MEGF10: variants seen among roughly 807,000 people sequenced by gnomAD.
MEGF10 encodes multiple epidermal growth factor-like domains protein 10.
MEGF10 carries 86 observed loss-of-function variants against 147.5 expected under a neutral mutation model. The observed-to-expected ratio is 0.58, with a 90% CI of 0.49 to 0.70. The LOEUF is 0.70. Ranked by LOEUF, MEGF10 falls within the 30% of genes least tolerant of loss-of-function variation. The pLI is 0.00. For synonymous variants in MEGF10, 478 were observed against 525.5 expected (o/e 0.91, Z 1.24); for missense variants, 1,329 against 1,487.3 (o/e 0.89, Z 1.75).
chr5:127,372,553 C>A (rs1028161024), intron 5 of MEGF10, among the ~76,000 whole-genome samples: 2 of 152,214 alleles, frequency 1.3e-5, no homozygotes, highest in Non-Finnish European at 2.9e-5. Context: ...CACTACATTT[C>A]ACTGTCATGT....
At position 127,425,331 on chromosome 5, in the gene MEGF10, T is replaced by C. The variant is rs1765173757; in HGVS notation, c.1693+2559T>C. Among the ~76,000 whole-genome samples the C allele has an allele frequency of 2.6e-5, 4 of 152,220 alleles. No homozygotes were observed. In the South Asian group the frequency reaches 8.3e-4, roughly 31 times the overall value. On this transcript the variant is annotated intron_variant, in intron 13 of 24. Coordinates refer to ENST00000503335, the MANE Select transcript of MEGF10 (RefSeq NM_001256545.2). Reference sequence around the variant, plus strand: ...TCCATCTGTGGCCGGCCTGCTTCTCTAAACGGGAAGACTACTGCTTCATGC... The same window carrying C: ...TCCATCTGTGGCCGGCCTGCTTCTCCAAACGGGAAGACTACTGCTTCATGC...
At chr5:127,249,358 G>C in the MEGF10 span, among the ~76,000 whole-genome samples, 1 of 150,188 alleles carries the variant, frequency 6.7e-6, no homozygotes, top group African/African-American at 2.5e-5. Flanking sequence ...AGAGAGAGAA[G>C]AAGAAGGAGG....
chr5:127,356,688 G>A (rs1007555347), intron 4 of MEGF10, among the ~76,000 whole-genome samples: 3 of 152,306 alleles, frequency 2.0e-5, no homozygotes, highest in African/African-American at 7.2e-5. Context: ...TGTTGATCCA[G>A]GGAGGAGAAT....
At chr5:127,436,963 T>A (rs1307226802) in intron 16 of MEGF10, among the ~76,000 whole-genome samples, 4 of 152,230 alleles carry the variant, frequency 2.6e-5, no homozygotes, top group Non-Finnish European at 5.9e-5. Context: ...AATGATTTTT[T>A]AAAGCACTAT....
In MEGF10 at chr5:127,362,360, T is replaced by TA. The variant is rs200592375; in HGVS notation, c.320-7541dup. ...TTTTTTTTTTTTACATACCTTTACTTAAAAAAAAATTATTATTTTTTTTTT... is the reference window on the plus strand; with the variant it reads ...TTTTTTTTTTTTACATACCTTTACTTAAAAAAAAAATTATTATTTTTTTTTT... On this transcript the variant is annotated intron_variant, in intron 4 of 24. Coordinates refer to ENST00000503335, the MANE Select transcript of MEGF10 (RefSeq NM_001256545.2). Among the ~76,000 whole-genome samples the TA allele has an allele frequency of 2.2e-3, 333 of 149,848 alleles. 1 individual carries two copies. Among genetic ancestry groups the TA allele is most frequent in the African/African-American group, 7.5e-3 (308 of 41,014 alleles).
the MEGF10 span, among the ~76,000 whole-genome samples, chr5:127,261,311 T>A: frequency 5.3e-5 from 8 of 152,196 alleles, no homozygotes; most frequent in Admixed American, 5.2e-4. Context: ...TTTGTCTGTA[T>A]AGGTTTGCCT....
intron 4 of MEGF10, among the ~76,000 whole-genome samples, chr5:127,361,243 G>A (rs994877137): frequency 6.6e-6 from 1 of 151,712 alleles, no homozygotes; most frequent in Admixed American, 6.6e-5. Context: ...GGTCCATTCA[G>A]GTTATTTATT....
intron 4 of MEGF10, among the ~76,000 whole-genome samples, chr5:127,348,433 T>C (rs770707752): frequency 6.6e-6 from 1 of 152,126 alleles, no homozygotes; most frequent in Non-Finnish European, 1.5e-5. Context: ...AATACTTTTT[T>C]GATTTTTTTA....
At chr5:127,362,097 A>G (rs1227098235) in intron 4 of MEGF10, among the ~76,000 whole-genome samples, 1 of 152,034 alleles carries the variant, frequency 6.6e-6, no homozygotes, top group Non-Finnish European at 1.5e-5. Context: ...AGTTCTATCA[A>G]TTATTAAGAC....
chr5:127,263,601 T>G, the MEGF10 span, among the ~76,000 whole-genome samples: 6 of 152,170 alleles, frequency 3.9e-5, no homozygotes, highest in Admixed American at 3.3e-4. Flanking sequence ...TAAGCATATT[T>G]CTAATCTTCT....
chr5:127,234,855 T>G, the MEGF10 span, among the ~76,000 whole-genome samples: 1 of 151,964 alleles, frequency 6.6e-6, no homozygotes, highest in Non-Finnish European at 1.5e-5. Flanking sequence ...TTTTTTTTTC[T>G]TTTTTTGAGA....
chr5:127,305,472 T>C (rs896990344), intron 1 of MEGF10, among the ~76,000 whole-genome samples: 3 of 152,162 alleles, frequency 2.0e-5, no homozygotes, highest in African/African-American at 7.2e-5. Context: ...GAGATCCTGC[T>C]TCCAGAAGAG....
chr5:127,306,678 G>A (rs1459156488), intron 1 of MEGF10, among the ~76,000 whole-genome samples: 2 of 152,208 alleles, frequency 1.3e-5, no homozygotes, highest in African/African-American at 2.4e-5. Context: ...AGATGCTCGC[G>A]GGTGGTTAGC....
chr5:127,259,304 T>A, the MEGF10 span, among the ~76,000 whole-genome samples: 2 of 152,178 alleles, frequency 1.3e-5, no homozygotes, highest in African/African-American at 4.8e-5. Context: ...GTCTGTAACT[T>A]TTTATTTTTC....
chr5:127,400,989 T>C (rs1160074895), intron 7 of MEGF10, among the ~76,000 whole-genome samples: 1 of 152,194 alleles, frequency 6.6e-6, no homozygotes, highest in Non-Finnish European at 1.5e-5. Flanking sequence ...CATACCTTCA[T>C]ATTGAAACGA....
chr5:127,387,084 G>T (rs1383671918), intron 5 of MEGF10, among the ~76,000 whole-genome samples: 2 of 152,164 alleles, frequency 1.3e-5, no homozygotes, highest in Non-Finnish European at 2.9e-5. Context: ...GTAACAAGGT[G>T]AACATGATGG....
At chr5:127,416,377 A>G (rs866020556) in intron 9 of MEGF10, among the ~76,000 whole-genome samples, 1 of 152,156 alleles carries the variant, frequency 6.6e-6, no homozygotes, top group African/African-American at 2.4e-5. Context: ...TGGAGATGCC[A>G]TGTGACTGCT....
the MEGF10 span, among the ~76,000 whole-genome samples, chr5:127,259,929 G>A: frequency 6.6e-6 from 1 of 152,128 alleles, no homozygotes; most frequent in African/African-American, 2.4e-5. Flanking sequence ...GACTGAGGTG[G>A]GCAGATCAGC....
Position 127,392,940 on chromosome 5 carries a change from A to C in MEGF10, c.413-3592A>C, listed in dbSNP as rs535285282. 2.6e-4 allele frequency among the ~76,000 whole-genome samples: 39 copies of C among 152,332 alleles called. 1 individual carries two copies. The South Asian group carries it at 7.7e-3, about 30-fold the overall frequency. ...ATCTGCATGAATCTGGGCATCTTGC[A>C]TCTGAGAGCCCATTTCCGGCGGTTA... is the stretch of plus-strand genomic sequence containing the variant. On this transcript the variant is annotated intron_variant, in intron 5 of 24. Coordinates refer to ENST00000503335, the MANE Select transcript of MEGF10 (RefSeq NM_001256545.2).
Sources: allele counts gnomAD v4.1 joint callset (sites outside exome capture counted in the v4.1 genomes callset), GRCh38; gene constraint gnomAD v4.1.1; transcripts MANE v1.5; gene names NCBI Gene and HGNC (gene_info 2026-07-23, HGNC 2026-07-21).